AK4: variants seen among roughly 807,000 people sequenced by gnomAD.
AK4 encodes adenylate kinase 4, mitochondrial.
A neutral mutation model predicts 24.6 loss-of-function variants in AK4; 13 were observed. The ratio of observed to expected loss-of-function variants is 0.53; its 90% CI spans 0.34 to 0.84. AK4 has a LOEUF of 0.84. Among genes scored for constraint, AK4 ranks in the 40% least tolerant of loss-of-function variants. AK4 has a pLI of 0.01. For missense variants in AK4, 192 were observed against 288.2 expected (o/e 0.67, Z 2.42); for synonymous variants, 88 against 107.0 (o/e 0.82, Z 1.10).
At position 65,227,359 on chromosome 1, in the gene AK4, A is replaced by G. The variant is rs969557720; in HGVS notation, c.*1182A>G. The G allele has an allele frequency of 4.6e-5, 7 of 152,292 alleles. No homozygotes were observed. The highest frequency in any genetic ancestry group is 7.4e-5 in the Non-Finnish European group (5 of 67,988). The allele number at this position is 152,292 out of a possible 1,614,324, so 9.4% of individuals were successfully genotyped here. A position where few individuals can be genotyped will look rare whatever the true frequency, so the allele number is the denominator to read the frequency against. On this transcript the variant is annotated 3_prime_UTR_variant, in exon 5 of 5. Coordinates refer to ENST00000327299, the MANE Select transcript of AK4 (RefSeq NM_013410.4). ...TGCCTGGACTGAGTATAACAGCTTT[A>G]TGATTATGAGAAAACAAATTCTTTA...
chr1:65,176,508 C>G (rs112372178), intron 1 of AK4, among the ~76,000 whole-genome samples: 2 of 152,110 alleles, frequency 1.3e-5, no homozygotes, highest in African/African-American at 4.8e-5. Flanking sequence ...GCATAATGAT[C>G]AGTTGATTTC....
rs1285203924 is a variant in AK4 at position 65,231,268 on chromosome 1, GCA to G, written c.*5094_*5095del. On this transcript the variant is annotated 3_prime_UTR_variant, in exon 5 of 5. Transcript: ENST00000327299. ...TCCCTTATCTTTCTTGTAACAATTT[GCA>G]CAGTTCTTGCCAGAATAAATGCCAT... 6.6e-6 allele frequency: 1 copy of G among 152,104 alleles called. No individual in the cohort carries two copies. Among genetic ancestry groups the G allele is most frequent in the African/African-American group, 2.4e-5 (1 of 41,422 alleles). The allele number at this position is 152,104 out of a possible 1,614,324, so 9.4% of individuals were successfully genotyped here.
chr1:65,204,957 CA>C (rs1651770857), intron 2 of AK4, among the ~76,000 whole-genome samples: 1 of 152,124 alleles, frequency 6.6e-6, no homozygotes, highest in South Asian at 2.1e-4. Flanking sequence ...TTGAAATGTA[CA>C]CTTTAAATGA....
chr1:65,155,458 G>C (rs1302262763), intron 1 of AK4, among the ~76,000 whole-genome samples: 1 of 152,080 alleles, frequency 6.6e-6, no homozygotes, highest in Non-Finnish European at 1.5e-5. Flanking sequence ...GGACGGCAGA[G>C]CAAGACTCTG....
At chr1:65,175,928 G>T (rs1438381094) in intron 1 of AK4, among the ~76,000 whole-genome samples, 3 of 152,190 alleles carry the variant, frequency 2.0e-5, no homozygotes, top group Non-Finnish European at 1.5e-5. Flanking sequence ...TATTACACCA[G>T]ATGTTCATGG....
At chr1:65,193,058 C>T (rs1651359075) in intron 2 of AK4, among the ~76,000 whole-genome samples, 1 of 152,204 alleles carries the variant, frequency 6.6e-6, no homozygotes, top group Non-Finnish European at 1.5e-5. Context: ...AGGCATTGCC[C>T]TAGTGGGGAC....
intron 1 of AK4, among the ~76,000 whole-genome samples, chr1:65,176,927 G>A (rs957782909): frequency 2.6e-5 from 4 of 152,192 alleles, no homozygotes; most frequent in African/African-American, 9.7e-5. Flanking sequence ...AAATGCAGAT[G>A]TCAGGAAATA....
intron 2 of AK4, among the ~76,000 whole-genome samples, chr1:65,203,464 A>T (rs998016270): frequency 6.6e-6 from 1 of 152,180 alleles, no homozygotes; most frequent in Non-Finnish European, 1.5e-5. Flanking sequence ...ATGAATAAGG[A>T]TCAACATATT....
chr1:65,180,366 G>A (rs1332613282), intron 1 of AK4, among the ~76,000 whole-genome samples: 4 of 152,122 alleles, frequency 2.6e-5, no homozygotes, highest in African/African-American at 9.7e-5. Context: ...TTTCTTCATA[G>A]TTACCCATAG....
chr1:65,207,489 G>A (rs1380221236), intron 2 of AK4, among the ~76,000 whole-genome samples: 1 of 152,114 alleles, frequency 6.6e-6, no homozygotes, highest in Admixed American at 6.6e-5. Context: ...GGGGAGTGTG[G>A]GGCTCACAGA....
At chr1:65,155,335 T>A (rs1352924555) in intron 1 of AK4, among the ~76,000 whole-genome samples, 1 of 152,084 alleles carries the variant, frequency 6.6e-6, no homozygotes, top group Non-Finnish European at 1.5e-5. Flanking sequence ...TAGCTGGGCT[T>A]GGTGGCGTGT....
At chr1:65,155,710 T>A (rs1649958243) in intron 1 of AK4, among the ~76,000 whole-genome samples, 1 of 151,856 alleles carries the variant, frequency 6.6e-6, no homozygotes, top group South Asian at 2.1e-4. Context: ...TCGCCTAGGC[T>A]AGAGTGCAGT....
intron 2 of AK4, among the ~76,000 whole-genome samples, chr1:65,211,532 C>G (rs1357769403): frequency 6.6e-6 from 1 of 152,216 alleles, no homozygotes; most frequent in East Asian, 1.9e-4. Context: ...ACAAATAGCA[C>G]TTGATTTAAA....
At chr1:65,162,786 A>G (rs1413586751) in intron 1 of AK4, among the ~76,000 whole-genome samples, 1 of 152,136 alleles carries the variant, frequency 6.6e-6, no homozygotes, top group African/African-American at 2.4e-5. Context: ...AAGAAACCCT[A>G]TACCCATTAG....
intron 1 of AK4, among the ~76,000 whole-genome samples, chr1:65,160,365 T>C (rs1420080058): frequency 6.6e-6 from 1 of 152,206 alleles, no homozygotes; most frequent in Admixed American, 6.5e-5. Context: ...GAACTTTGTA[T>C]TCTCACATGG....
At chr1:65,224,681 A>G (rs1196690221) in intron 3 of AK4, 71 bp from the exon 4 acceptor site, 8 of 1,216,816 alleles carry the variant, frequency 6.6e-6, no homozygotes, top group Non-Finnish European at 9.7e-6. Context: ...ATGGTTTTGC[A>G]CAGAAAAGTT....
In AK4 at chr1:65,231,316, T is replaced by A. The variant is rs560363064; in HGVS notation, c.*5139T>A. On this transcript the variant is annotated 3_prime_UTR_variant, in exon 5 of 5. Transcript: ENST00000327299. ...GCCATTATCTGTATGTTTCAGGGAGTTCCCCAATTTGATCATTTTTGTGTG... is the reference window on the plus strand; with the variant it reads ...GCCATTATCTGTATGTTTCAGGGAGATCCCCAATTTGATCATTTTTGTGTG... 6.6e-6 allele frequency: 1 copy of A among 152,520 alleles called. No homozygotes were observed. Among genetic ancestry groups the A allele is most frequent in the African/African-American group, 2.4e-5 (1 of 41,552 alleles). 9.4% of individuals were successfully genotyped at this position (152,520 alleles called of 1,614,324 possible). A position where few individuals can be genotyped will look rare whatever the true frequency, so the allele number is the denominator to read the frequency against.
chr1:65,200,179 T>C (rs1416780620), intron 2 of AK4, among the ~76,000 whole-genome samples: 1 of 152,106 alleles, frequency 6.6e-6, no homozygotes, highest in African/African-American at 2.4e-5. Flanking sequence ...AATGGTGCGA[T>C]CTTGGCTCAC....
rs573730695 is a variant in AK4, at chr1:65,182,106, G to C, written c.146-8604G>C. Among the ~76,000 whole-genome samples, 6 of 152,106 alleles carry C rather than the reference G, an allele frequency of 3.9e-5. No homozygotes were observed. The East Asian group carries it at 1.2e-3, about 29-fold the overall frequency. ...AATTTTACATTTTTTATAGAGATGGGGTCTTGTTATTAATATGTTGCCCCA... is the reference window on the plus strand; with the variant it reads ...AATTTTACATTTTTTATAGAGATGGCGTCTTGTTATTAATATGTTGCCCCA... On this transcript the variant is annotated intron_variant, in intron 1 of 4. Transcript: ENST00000327299.
Sources: gnomAD v4.1 joint callset for allele counts (sites outside exome capture counted in the v4.1 genomes callset) on GRCh38, gnomAD v4.1.1 for gene constraint, MANE v1.5 for transcripts, NCBI Gene and HGNC (gene_info 2026-07-23, HGNC 2026-07-21) for gene names.